RERE: variants seen among roughly 807,000 people sequenced by gnomAD.
RERE encodes the protein arginine-glutamic acid dipeptide repeats protein.
RERE carries 40 observed loss-of-function variants against 146.1 expected under a neutral mutation model. The observed-to-expected ratio is 0.27, with a 90% CI of 0.21 to 0.36. RERE has a LOEUF of 0.36. Among genes scored for constraint, RERE ranks in the 10% least tolerant of loss-of-function variants. The pLI is 1.00. For synonymous variants in RERE, 1,003 were observed against 866.0 expected (o/e 1.16, Z -2.78); for missense variants, 1,933 against 2,138.7 (o/e 0.90, Z 1.90).
At chr1:8,538,512 C>G (rs1024802243) in intron 7 of RERE, among the ~76,000 whole-genome samples, 2 of 152,132 alleles carry the variant, frequency 1.3e-5, no homozygotes, top group Non-Finnish European at 2.9e-5. Context: ...GGAACTATAG[C>G]CCTAACCCCA....
chr1:8,638,397 G>C (rs1647128419), intron 2 of RERE, among the ~76,000 whole-genome samples: 1 of 152,146 alleles, frequency 6.6e-6, no homozygotes, highest in Non-Finnish European at 1.5e-5. Context: ...AATGTCATTT[G>C]ACATTTGATG....
chr1:8,410,139 G>A (rs1285849858), intron 12 of RERE, among the ~76,000 whole-genome samples: 1 of 152,106 alleles, frequency 6.6e-6, no homozygotes, highest in Non-Finnish European at 1.5e-5. Context: ...CACCCAGGAG[G>A]CACTAAGTTA....
chr1:8,399,188 T>C (rs1006396508), intron 12 of RERE, among the ~76,000 whole-genome samples: 5 of 152,038 alleles, frequency 3.3e-5, no homozygotes, highest in Admixed American at 3.3e-4. Context: ...TCTCACTTTA[T>C]GGTTTCCTAT....
At chr1:8,466,832 G>A (rs1644604505) in intron 10 of RERE, among the ~76,000 whole-genome samples, 1 of 152,084 alleles carries the variant, frequency 6.6e-6, no homozygotes, top group African/African-American at 2.4e-5. Context: ...TGGCACCATG[G>A]ACACCTTCCC....
chr1:8,731,814 GTTTT>G (rs1640092668), intron 1 of RERE, among the ~76,000 whole-genome samples: 4 of 151,330 alleles, frequency 2.6e-5, no homozygotes, highest in Non-Finnish European at 5.9e-5. Context: ...GTTTTGTTTT[GTTTT>G]TTTGAGAAGA....
At chr1:8,628,654 A>C (rs1387762045) in intron 2 of RERE, among the ~76,000 whole-genome samples, 29 of 152,246 alleles carry the variant, frequency 1.9e-4, no homozygotes, top group Admixed American at 1.8e-3. Context: ...TTGGCTCATT[A>C]ATCAAGCAGC....
At chr1:8,409,375 A>G (rs963738139) in intron 12 of RERE, among the ~76,000 whole-genome samples, 5 of 152,250 alleles carry the variant, frequency 3.3e-5, no homozygotes, top group Admixed American at 6.5e-5. Context: ...TAACAACCGC[A>G]TGAGGCAGCA....
intron 4 of RERE, among the ~76,000 whole-genome samples, chr1:8,567,233 T>C (rs979329319): frequency 2.6e-5 from 4 of 152,182 alleles, no homozygotes; most frequent in Non-Finnish European, 5.9e-5. Flanking sequence ...CTATGAGTGG[T>C]ATTCAATTCA....
At chr1:8,444,795 G>C (rs1644296334) in intron 11 of RERE, among the ~76,000 whole-genome samples, 1 of 151,540 alleles carries the variant, frequency 6.6e-6, no homozygotes, top group African/African-American at 2.4e-5. Flanking sequence ...GTGATGTGGT[G>C]TTCCCGCTTC....
Position 8,409,971 on chromosome 1 carries a change from ATTTTTTTTTTTTTTTTT to A in RERE, c.1284+12739_1284+12755del, listed in dbSNP as rs57424627. 2.1e-3 allele frequency among the ~76,000 whole-genome samples: 204 copies of A among 95,386 alleles called. 1 individual carries two copies. The highest frequency in any genetic ancestry group is 3.0e-3 in the Non-Finnish European group (150 of 50,428). 62.6% of individuals were successfully genotyped at this position (95,386 alleles called of 152,430 possible). On this transcript the variant is annotated intron_variant, in intron 12 of 22. Transcript: ENST00000400908. ...TGGGTATGCACTATTCAATCAGGCA[ATTTTTTTTTTTTTTTTT>A]TTTTTTTTTTTACTAAATCCGAACA... is the stretch of plus-strand genomic sequence containing the variant.
chr1:8,619,692 C>T (rs930015948), intron 3 of RERE, among the ~76,000 whole-genome samples: 1 of 152,230 alleles, frequency 6.6e-6, no homozygotes, highest in Non-Finnish European at 1.5e-5. Flanking sequence ...ACCTTGTTAG[C>T]ATTCTCGGAC....
chr1:8,361,407 G>C lies in RERE; in HGVS notation c.2100C>G (p.Asp700Glu), dbSNP rs778377577. The change falls in exon 18 of 23, where the codon GAC (aspartate) becomes GAG (glutamate). Residue 700 changes from aspartate to glutamate, a missense_variant. Asp to Glu is a conservative substitution (Grantham distance 45). Around this residue, in one of 11 missense-constraint regions of RERE, gnomAD observed 1,255 missense variants for 1,153.8 expected, o/e 1.09. Coordinates refer to ENST00000400908, the MANE Select transcript of RERE (RefSeq NM_001042681.2). The part of the protein sequence containing the change: ...SRSVNDEGSS[D>E]PKDIDQDNRS... ...GATTGTCCTGGTCGATGTCTTTGGG[G>C]TCACTGCTACCCTCATCGTTGACGC... The C allele has an allele frequency of 6.2e-7, 1 of 1,613,770 alleles. No individual in the cohort carries two copies. The highest frequency in any genetic ancestry group is 8.5e-7 in the Non-Finnish European group (1 of 1,179,904).
At chr1:8,515,061 T>C (rs1393926662) in intron 7 of RERE, among the ~76,000 whole-genome samples, 2 of 152,196 alleles carry the variant, frequency 1.3e-5, no homozygotes, top group African/African-American at 2.4e-5. Context: ...TTCAGGTGTC[T>C]TTCTATCCTG....
At chr1:8,597,811 G>A (rs529896982) in intron 4 of RERE, among the ~76,000 whole-genome samples, 1 of 151,000 alleles carries the variant, frequency 6.6e-6, no homozygotes, top group East Asian at 1.9e-4. Context: ...GATCAATCCT[G>A]TTGACAGTTT....
At chr1:8,452,893 T>C (rs975930774) in intron 11 of RERE, among the ~76,000 whole-genome samples, 9 of 152,222 alleles carry the variant, frequency 5.9e-5, no homozygotes, top group African/African-American at 2.2e-4. Flanking sequence ...CCCGTACACA[T>C]GCCCATCTTC....
chr1:8,601,728 C>T (rs1251675492), intron 4 of RERE, among the ~76,000 whole-genome samples: 1 of 118,676 alleles, frequency 8.4e-6, no homozygotes, highest in Non-Finnish European at 1.7e-5. Flanking sequence ...GCCATCATGT[C>T]CAAGGTCAAC....
chr1:8,660,070 GAAT>G (rs571630756), intron 1 of RERE, among the ~76,000 whole-genome samples: 75 of 151,462 alleles, frequency 5.0e-4, no homozygotes, highest in Admixed American at 7.9e-4. Context: ...TAAATTATAT[GAAT>G]AATTAATACC....
intron 11 of RERE, among the ~76,000 whole-genome samples, chr1:8,458,632 T>C (rs567470778): frequency 1.3e-5 from 2 of 152,262 alleles, no homozygotes; most frequent in Admixed American, 1.3e-4. Context: ...CAAGGTATGC[T>C]GGCTTTTATT....
intron 2 of RERE, among the ~76,000 whole-genome samples, 173 bp from the exon 3 acceptor site, chr1:8,624,553 C>A (rs1194689481): frequency 2.6e-5 from 4 of 152,182 alleles, no homozygotes; most frequent in Non-Finnish European, 4.4e-5. Context: ...AGGAAAACTG[C>A]CCTTTGGTTC....
Sources: gnomAD v4.1 joint callset for allele counts (sites outside exome capture counted in the v4.1 genomes callset) on GRCh38, gnomAD v4.1.1 for gene constraint, gnomAD v4.1.1 regional missense constraint, MANE v1.5 for transcripts, NCBI Gene and HGNC (gene_info 2026-07-23, HGNC 2026-07-21) for gene names.